Variants in NUDT3 observed in about 807,000 individuals in gnomAD.
The protein encoded by NUDT3 is diphosphoinositol polyphosphate phosphohydrolase 1.
NUDT3 carries 9 observed loss-of-function variants against 23.6 expected under a neutral mutation model. The observed-to-expected ratio is 0.38, with a 90% CI of 0.23 to 0.66. The LOEUF is 0.66. Among genes scored for constraint, NUDT3 ranks in the 30% least tolerant of loss-of-function variants. The probability of loss-of-function intolerance (pLI) is 0.52; values close to 1 mark genes in which losing one functional copy is unlikely to be tolerated. For missense variants in NUDT3, 172 were observed against 218.5 expected, an observed-to-expected ratio of 0.79 and a Z score of 1.34; for synonymous variants, 86 against 82.6, an observed-to-expected ratio of 1.04 and a Z score of -0.22.
chr6:34,365,878 C>G (rs1028865536), intron 1 of NUDT3, among the ~76,000 whole-genome samples: 7 of 152,034 alleles, frequency 4.6e-5, no homozygotes, highest in Non-Finnish European at 8.8e-5. Flanking sequence ...CTCGTCTCTA[C>G]TAAAATACAA....
At chr6:34,326,954 A>T (rs746452816) in intron 2 of NUDT3, among the ~76,000 whole-genome samples, 1 of 152,128 alleles carries the variant, frequency 6.6e-6, no homozygotes, top group Non-Finnish European at 1.5e-5. Flanking sequence ...GAGAGATCGT[A>T]CGAAATAAAG....
chr6:34,303,758 G>A (rs761128877), intron 2 of NUDT3, among the ~76,000 whole-genome samples: 1 of 152,032 alleles, frequency 6.6e-6, no homozygotes, highest in Non-Finnish European at 1.5e-5. Flanking sequence ...CGAGATCAGG[G>A]GTCAGCAAAC....
chr6:34,363,132 C>T (rs1414294443), intron 1 of NUDT3, among the ~76,000 whole-genome samples: 2 of 152,162 alleles, frequency 1.3e-5, no homozygotes, highest in African/African-American at 4.8e-5. Context: ...GTGGTTTTCC[C>T]CTCTACTTTG....
Position 34,297,753 on chromosome 6 carries a change from ATATATAATTTT to A in NUDT3, c.211-2079_211-2069del, listed in dbSNP as rs1201887830. Among the ~76,000 whole-genome samples, 142 of 98,178 alleles carry A rather than the reference ATATATAATTTT, an allele frequency of 1.4e-3. 4 individuals carry two copies. Among genetic ancestry groups the A allele is most frequent in the African/African-American group, 6.4e-3 (133 of 20,660 alleles). 64.4% of individuals were successfully genotyped at this position (98,178 alleles called of 152,430 possible). ...AAAATATATATATATATATATATAT[ATATATAATTTT>A]TTTTTTTTTTTTAGTAGAGACGGGG... is the stretch of plus-strand genomic sequence containing the variant. On this transcript the variant is annotated intron_variant, in intron 2 of 4. Transcript: ENST00000607016.
At position 34,318,642 on chromosome 6, in the gene NUDT3, C is replaced by T. The variant is rs1182768473; in HGVS notation, c.211-22957G>A. On this transcript the variant is annotated intron_variant, in intron 2 of 4. Transcript: ENST00000607016. ...GTGTCATATTTGACACAACCATTCT[C>T]CTATCGGTGGACATTTAGACTGTTT... Among the ~76,000 whole-genome samples the T allele has an allele frequency of 2.0e-5, 3 of 152,096 alleles. No homozygotes were observed. The East Asian group carries it at 5.8e-4, about 29-fold the overall frequency.
intron 2 of NUDT3, among the ~76,000 whole-genome samples, chr6:34,323,496 G>A (rs541756231): frequency 5.9e-5 from 9 of 152,104 alleles, no homozygotes; most frequent in Non-Finnish European, 1.0e-4. Context: ...GAGCCTGGGC[G>A]GTAGACGTGA....
intron 1 of NUDT3, among the ~76,000 whole-genome samples, chr6:34,352,919 A>G (rs1764499268): frequency 6.6e-6 from 1 of 152,218 alleles, no homozygotes; most frequent in Non-Finnish European, 1.5e-5. Context: ...CAGCATTAAT[A>G]TTCTGTTGTT....
intron 2 of NUDT3, among the ~76,000 whole-genome samples, chr6:34,296,698 G>A (rs746406221): frequency 1.3e-5 from 2 of 152,208 alleles, no homozygotes; most frequent in African/African-American, 4.8e-5. Context: ...TGCCAGCGAT[G>A]TAACAGTGAA....
At chr6:34,344,133 T>C (rs1764329447) in intron 1 of NUDT3, among the ~76,000 whole-genome samples, 2 of 152,192 alleles carry the variant, frequency 1.3e-5, no homozygotes, top group Non-Finnish European at 2.9e-5. Flanking sequence ...AACAATTTGG[T>C]TGTTCCTCAG....
intron 2 of NUDT3, among the ~76,000 whole-genome samples, chr6:34,308,609 G>A (rs1019861606): frequency 4.6e-5 from 7 of 152,018 alleles, no homozygotes; most frequent in East Asian, 1.9e-4. Flanking sequence ...GATACATACC[G>A]TGCTAACACT....
intron 1 of NUDT3, among the ~76,000 whole-genome samples, chr6:34,388,209 A>G (rs1000045434): frequency 8.5e-5 from 13 of 152,172 alleles, no homozygotes; most frequent in Non-Finnish European, 4.4e-5. Context: ...AGTACATTCT[A>G]TGATGTTTAC....
At chr6:34,290,379 C>T (rs1365485393) in intron 4 of NUDT3, among the ~76,000 whole-genome samples, 12 of 148,572 alleles carry the variant, frequency 8.1e-5, no homozygotes, top group African/African-American at 3.0e-4. Flanking sequence ...ACTACAAGCA[C>T]GTGCCACACC....
Position 34,288,609 on chromosome 6 carries a change from T to C in NUDT3, c.*144A>G, listed in dbSNP as rs776268383. The C allele has an allele frequency of 8.9e-7, 1 of 1,121,036 alleles. No individual in the cohort carries two copies. Among genetic ancestry groups the C allele is most frequent in the Non-Finnish European group, 1.2e-6 (1 of 812,008 alleles). The allele number at this position is 1,121,036 out of a possible 1,614,324, so 69.4% of individuals were successfully genotyped here. Reference sequence around the variant, plus strand: ...CATCACTTAACACCAAACAGCAACATTATCAATACACCCTTTCTTTGCTGC... The same window carrying C: ...CATCACTTAACACCAAACAGCAACACTATCAATACACCCTTTCTTTGCTGC... On this transcript the variant is annotated 3_prime_UTR_variant, in exon 5 of 5. Coordinates refer to ENST00000607016, the MANE Select transcript of NUDT3 (RefSeq NM_006703.4).
intron 2 of NUDT3, among the ~76,000 whole-genome samples, chr6:34,307,685 G>C (rs1763702723): frequency 6.6e-6 from 1 of 152,078 alleles, no homozygotes; most frequent in African/African-American, 2.4e-5. Flanking sequence ...AATAATATAA[G>C]ATGCTCAATT....
chr6:34,390,163 G>A (rs1481944600), intron 1 of NUDT3, among the ~76,000 whole-genome samples: 3 of 151,186 alleles, frequency 2.0e-5, no homozygotes, highest in South Asian at 2.1e-4. Context: ...ATAAAAATAA[G>A]TAAATAAATA....
intron 2 of NUDT3, among the ~76,000 whole-genome samples, chr6:34,317,481 A>C (rs540744553): frequency 6.6e-6 from 1 of 152,262 alleles, no homozygotes; most frequent in African/African-American, 2.4e-5. Flanking sequence ...GAGAGGGAAA[A>C]ATGAGCAAAG....
At chr6:34,369,123 T>C (rs1339212791) in intron 1 of NUDT3, among the ~76,000 whole-genome samples, 3 of 152,204 alleles carry the variant, frequency 2.0e-5, no homozygotes, top group Non-Finnish European at 4.4e-5. Flanking sequence ...TGTATAGAAA[T>C]GTATGTTAAC....
intron 2 of NUDT3, among the ~76,000 whole-genome samples, chr6:34,340,276 A>C (rs1764268611): frequency 6.6e-6 from 1 of 152,184 alleles, no homozygotes; most frequent in South Asian, 2.1e-4. Flanking sequence ...TATGCGATAT[A>C]ATAAGCCTGT....
intron 1 of NUDT3, among the ~76,000 whole-genome samples, chr6:34,392,002 C>T (rs1303176918): frequency 6.6e-6 from 1 of 152,150 alleles, no homozygotes; most frequent in Non-Finnish European, 1.5e-5. Context: ...TAACAGGCGG[C>T]GGAACCGAAG....
Sources: allele counts gnomAD v4.1 joint callset (sites outside exome capture counted in the v4.1 genomes callset), GRCh38; gene constraint gnomAD v4.1.1; transcripts MANE v1.5; gene names NCBI Gene and HGNC (gene_info 2026-07-23, HGNC 2026-07-21).